The following CD28 variants were observed in gnomAD, a reference collection of about 807,000 sequenced individuals.
The protein encoded by CD28 is CD28 molecule, also known as T-cell-specific surface glycoprotein CD28.
Under a neutral mutation model 21.4 loss-of-function variants are expected in CD28, and 8 were observed. That is an observed-to-expected ratio of 0.37 (90% confidence interval 0.22 to 0.68). The LOEUF is 0.68. CD28 is among the 30% of genes least tolerant of loss of function. The pLI is 0.55. For synonymous variants in CD28, 106 were observed against 104.0 expected (o/e 1.02, Z -0.12); for missense variants, 239 against 272.2 (o/e 0.88, Z 0.86).
In CD28 at chr2:203,737,777, G is replaced by C. The variant is rs199696602; in HGVS notation, c.*2865G>C. ...TGGGTTAAGCATGCCAATTTAAAGA[G>C]ACCAAGTGTATGTACATTATGTTCT... is the stretch of plus-strand genomic sequence containing the variant. On this transcript the variant is annotated 3_prime_UTR_variant, in exon 4 of 4. Transcript: ENST00000324106. The C allele has an allele frequency of 6.6e-6, 1 of 152,254 alleles. No homozygotes were observed. Among genetic ancestry groups the C allele is most frequent in the Non-Finnish European group, 1.5e-5 (1 of 68,012 alleles). 9.4% of individuals were successfully genotyped at this position (152,254 alleles called of 1,614,324 possible).
intron 1 of CD28, among the ~76,000 whole-genome samples, chr2:203,721,118 A>G (rs771557489): frequency 6.6e-6 from 1 of 152,274 alleles, no homozygotes; most frequent in Non-Finnish European, 1.5e-5. Flanking sequence ...GTTAACACAT[A>G]GTAAGCAAAC....
At chr2:203,723,164 G>A (rs1332130074) in intron 1 of CD28, among the ~76,000 whole-genome samples, 2 of 152,108 alleles carry the variant, frequency 1.3e-5, no homozygotes, top group East Asian at 1.9e-4. Flanking sequence ...TCAAGTGGGG[G>A]AACTTTTAAG....
chr2:203,719,799 T>G (rs1693558006), intron 1 of CD28, among the ~76,000 whole-genome samples: 1 of 152,192 alleles, frequency 6.6e-6, no homozygotes, highest in Non-Finnish European at 1.5e-5. Flanking sequence ...TTTCCCATAT[T>G]GCATTTTGGG....
At chr2:203,710,768 C>T (rs1008460124) in intron 1 of CD28, among the ~76,000 whole-genome samples, 17 of 152,128 alleles carry the variant, frequency 1.1e-4, no homozygotes, top group Admixed American at 3.3e-4. Flanking sequence ...GATGAGGATA[C>T]GCAATTCATG....
rs1559548184 is a variant in CD28 at position 203,706,763 on chromosome 2, T to C, written c.52+15T>C. The C allele has an allele frequency of 1.3e-6, 2 of 1,571,626 alleles. No homozygotes were observed. Among genetic ancestry groups the C allele is most frequent in the South Asian group, 1.1e-5 (1 of 90,162 alleles). Reference sequence around the variant, plus strand: ...TCAAGTAACAGGTAAACAATGTTAATGTCTTTCTTTCTGTAAATATTTTTT... The same window carrying C: ...TCAAGTAACAGGTAAACAATGTTAACGTCTTTCTTTCTGTAAATATTTTTT... On this transcript the variant is annotated intron_variant, in intron 1 of 3. Coordinates refer to ENST00000324106, the MANE Select transcript of CD28 (RefSeq NM_006139.4).
At chr2:203,729,232 A>G (rs1480340665) in intron 2 of CD28, among the ~76,000 whole-genome samples, 1 of 152,202 alleles carries the variant, frequency 6.6e-6, no homozygotes, top group Middle Eastern at 3.2e-3. Context: ...TGACTGCCAT[A>G]TTAGGCTGAT....
chr2:203,719,219 G>C (rs1693543455), intron 1 of CD28, among the ~76,000 whole-genome samples: 1 of 151,840 alleles, frequency 6.6e-6, no homozygotes, highest in East Asian at 1.9e-4. Context: ...GTGTGACCTT[G>C]TTTGAAAAGT....
intron 1 of CD28, among the ~76,000 whole-genome samples, chr2:203,720,834 CAA>C (rs1693586313): frequency 6.6e-6 from 1 of 152,154 alleles, no homozygotes; most frequent in Non-Finnish European, 1.5e-5. Context: ...TGTGTTTACT[CAA>C]AGTCACAATG....
At position 203,737,785 on chromosome 2, in the gene CD28, G is replaced by A. The variant is rs1435377596; in HGVS notation, c.*2873G>A. 2.0e-5 allele frequency: 3 copies of A among 152,570 alleles called. No individual in the cohort carries two copies. The highest frequency in any genetic ancestry group is 4.4e-5 in the Non-Finnish European group (3 of 68,024). 9.5% of individuals were successfully genotyped at this position (152,570 alleles called of 1,614,324 possible). A position where few individuals can be genotyped will look rare whatever the true frequency, so the allele number is the denominator to read the frequency against. ...GCATGCCAATTTAAAGAGACCAAGTGTATGTACATTATGTTCTACATATTC... is the reference window on the plus strand; with the variant it reads ...GCATGCCAATTTAAAGAGACCAAGTATATGTACATTATGTTCTACATATTC... On this transcript the variant is annotated 3_prime_UTR_variant, in exon 4 of 4. Coordinates refer to ENST00000324106, the MANE Select transcript of CD28 (RefSeq NM_006139.4).
chr2:203,738,582 C>A lies in CD28; in HGVS notation c.*3670C>A, dbSNP rs940045034. 5.3e-5 allele frequency: 8 copies of A among 152,256 alleles called. No individual in the cohort carries two copies. The highest frequency in any genetic ancestry group is 1.9e-4 in the African/African-American group (8 of 41,534). 9.4% of individuals were successfully genotyped at this position (152,256 alleles called of 1,614,324 possible). A position where few individuals can be genotyped will look rare whatever the true frequency, so the allele number is the denominator to read the frequency against. ...ATAGGAATGTATCAGGAATACTCAA[C>A]CATCACAGGCATGTTCCTACCTCAG... On this transcript the variant is annotated 3_prime_UTR_variant, in exon 4 of 4. Transcript: ENST00000324106.
chr2:203,716,782 G>A (rs1693473259), intron 1 of CD28, among the ~76,000 whole-genome samples: 1 of 152,088 alleles, frequency 6.6e-6, no homozygotes, highest in Non-Finnish European at 1.5e-5. Context: ...CACAAATAAA[G>A]GTTAAAGGTG....
rs1694082544 is a variant in CD28, at chr2:203,737,990, C to A, written c.*3078C>A. On this transcript the variant is annotated 3_prime_UTR_variant, in exon 4 of 4. Coordinates refer to ENST00000324106, the MANE Select transcript of CD28 (RefSeq NM_006139.4). ...ATCCTTGTATAAATCTCCAGTTTAG[C>A]CTTTTTTGAAAAAGCTAGACTTTCA... 1 of 152,104 alleles carries A rather than the reference C, an allele frequency of 6.6e-6. No homozygotes were observed. The highest frequency in any genetic ancestry group is 6.5e-5 in the Admixed American group (1 of 15,270). The allele number at this position is 152,104 out of a possible 1,614,324, so 9.4% of individuals were successfully genotyped here.
At chr2:203,712,306 A>T (rs1422594791) in intron 1 of CD28, among the ~76,000 whole-genome samples, 2 of 152,186 alleles carry the variant, frequency 1.3e-5, no homozygotes, top group Non-Finnish European at 2.9e-5. Flanking sequence ...TTAGTTGAGT[A>T]GGTTATATAT....
chr2:203,712,194 C>CAAA (rs1419975643), intron 1 of CD28, among the ~76,000 whole-genome samples: 1 of 82,766 alleles, frequency 1.2e-5, no homozygotes, highest in African/African-American at 4.0e-5. Flanking sequence ...TCCGTCTCAA[C>CAAA]AACAACAAAA....
intron 2 of CD28, 123 bp downstream of exon 2, chr2:203,727,112 C>T: frequency 1.5e-6 from 1 of 656,644 alleles, no homozygotes; most frequent in African/African-American, 1.8e-5. Flanking sequence ...CTAACAAAGA[C>T]AAATAATGTT....
chr2:203,725,936 T>G (rs576463454), intron 1 of CD28, among the ~76,000 whole-genome samples: 1 of 152,210 alleles, frequency 6.6e-6, no homozygotes, highest in Non-Finnish European at 1.5e-5. Flanking sequence ...AGGTTGGGCA[T>G]GGTGGCTCAT....
rs372501020 is a variant in CD28, at chr2:203,710,013, T to C, written c.52+3265T>C. ...CAGCAAAGCAATTAAAAATTTTATTTGTACTCTAGTCTTCAGCCAATGACT... is the reference window on the plus strand; with the variant it reads ...CAGCAAAGCAATTAAAAATTTTATTCGTACTCTAGTCTTCAGCCAATGACT... On this transcript the variant is annotated intron_variant, in intron 1 of 3. Transcript: ENST00000324106. 7.5e-4 allele frequency among the ~76,000 whole-genome samples: 114 copies of C among 152,354 alleles called. 3 individuals are homozygous for C. In the South Asian group the frequency reaches 0.021, roughly 29 times the overall value.
At chr2:203,732,173 G>C (rs553240122) in intron 3 of CD28, among the ~76,000 whole-genome samples, 6 of 152,292 alleles carry the variant, frequency 3.9e-5, no homozygotes, top group African/African-American at 1.4e-4. Context: ...CTTGATGTAA[G>C]TTGCTGTTTT....
intron 1 of CD28, among the ~76,000 whole-genome samples, chr2:203,725,229 G>A (rs1693711419): frequency 6.6e-6 from 1 of 151,570 alleles, no homozygotes; most frequent in Non-Finnish European, 1.5e-5. Flanking sequence ...GGCGGAGGTT[G>A]CAGTCAGCTG....
Sources: gnomAD v4.1 joint callset for allele counts (sites outside exome capture counted in the v4.1 genomes callset) on GRCh38, gnomAD v4.1.1 for gene constraint, MANE v1.5 for transcripts, NCBI Gene and HGNC (gene_info 2026-07-23, HGNC 2026-07-21) for gene names.